CBLL2: variants seen among roughly 807,000 people sequenced by gnomAD.
CBLL2 encodes Cbl proto-oncogene like 2.
For missense variants in CBLL2, 347 were observed against 343.2 expected, an observed-to-expected ratio of 1.01 and a Z score of -0.09; for synonymous variants, 123 against 124.9, an observed-to-expected ratio of 0.98 and a Z score of 0.10.
In CBLL2 at chrX:22,273,570, G is replaced by A. The variant is rs773599014; in HGVS notation, c.579G>A (p.Val193=). 43 of 1,209,117 alleles carry A rather than the reference G, an allele frequency of 3.6e-5. No homozygotes were observed. The highest frequency in any genetic ancestry group is 4.4e-5 in the Non-Finnish European group (39 of 894,881). The change falls in exon 1 of 1, where the codon GTG becomes GTA. Residue 193 remains valine (V), a synonymous_variant. Transcript: ENST00000323684. ...ACACCATGGTGTCACTACCGTCTGT[G>A]CAACATATGCTACAAGAGCAACATA... ...EQHTMVSLPS[V]QHMLQEQHNQ... is the part of the protein sequence containing the mutation.
At position 22,274,320 on chromosome X, in the gene CBLL2, A is replaced by G. The variant is rs775136948; in HGVS notation, c.*51A>G. The G allele has an allele frequency of 2.1e-5, 23 of 1,073,949 alleles. No individual in the cohort carries two copies. Among genetic ancestry groups the G allele is most frequent in the Non-Finnish European group, 2.9e-5 (23 of 790,655 alleles). The allele number at this position is 1,073,949 out of a possible 1,213,427, so 88.5% of individuals were successfully genotyped here. Reference sequence around the variant, plus strand: ...AGACCTGATGGGAAAAAAACCTTCAAGTTCTATACTGTACTGTGGATAAGC... The same window carrying G: ...AGACCTGATGGGAAAAAAACCTTCAGGTTCTATACTGTACTGTGGATAAGC... On this transcript the variant is annotated 3_prime_UTR_variant, in exon 1 of 1. Transcript: ENST00000323684.
At position 22,273,059 on chromosome X, in the gene CBLL2, G is replaced by GAGTT; in HGVS notation, c.70_73dup (p.Lys25SerfsTer2). 1 of 1,208,718 alleles carries GAGTT rather than the reference G, an allele frequency of 8.3e-7. No individual in the cohort carries two copies. Among genetic ancestry groups the GAGTT allele is most frequent in the Non-Finnish European group, 1.1e-6 (1 of 893,690 alleles). On this transcript the variant is annotated frameshift_variant, in exon 1 of 1. Coordinates refer to ENST00000323684, the MANE Select transcript of CBLL2 (RefSeq NM_152577.4). LOFTEE classifies it low-confidence loss of function (END_TRUNC). ...AAAGAAGGGAAGTACTACTCTAAAG[G>GAGTT]AGTTAAACTGGTGAGAAAAAAGAAA...
In CBLL2 at chrX:22,273,162, T is replaced by G; in HGVS notation, c.171T>G (p.Cys57Trp). 8.3e-7 allele frequency: 1 copy of G among 1,211,549 alleles called. No individual in the cohort carries two copies. Among genetic ancestry groups the G allele is most frequent in the Non-Finnish European group, 1.1e-6 (1 of 895,250 alleles). Reference protein sequence around the residue: ...GEKDDLPIHFCDKCDLPIKIY... With the variant: ...GEKDDLPIHFWDKCDLPIKIY... ...AGGATGATTTACCAATTCATTTCTG[T>G]GACAAATGTGATTTGCCTATTAAAA... Residue 57 changes from cysteine (C) to tryptophan (W), a missense_variant, in exon 1 of 1, where the codon TGT becomes TGG. Cys to Trp is a radical substitution (Grantham distance 215, BLOSUM62 -2). Coordinates refer to ENST00000323684, the MANE Select transcript of CBLL2 (RefSeq NM_152577.4).
chrX:22,274,362 G>C lies in CBLL2; in HGVS notation c.*93G>C. 1 of 841,285 alleles carries C rather than the reference G, an allele frequency of 1.2e-6. No individual in the cohort carries two copies. Among genetic ancestry groups the C allele is most frequent in the Non-Finnish European group, 1.7e-6 (1 of 605,763 alleles). 69.3% of individuals were successfully genotyped at this position (841,285 alleles called of 1,213,427 possible). ...TGGATAAGCGGCTCAGTTCAGCAGA[G>C]CTGGAGTTGAACAACTTTGTTCCTC... On this transcript the variant is annotated 3_prime_UTR_variant, in exon 1 of 1. Transcript: ENST00000323684.
rs1407447266 is a variant in CBLL2, at chrX:22,273,237, T to C, written c.246T>C (p.Ala82=). The change falls in exon 1 of 1, where the codon GCT becomes GCC. Residue 82 remains alanine, a synonymous_variant. Coordinates refer to ENST00000323684, the MANE Select transcript of CBLL2 (RefSeq NM_152577.4). Reference sequence around the variant, plus strand: ...AGCATGCTTTTTGCTATCACTGTGCTAATTTATATGACAAAGTCGGATATA... The same window carrying C: ...AGCATGCTTTTTGCTATCACTGTGCCAATTTATATGACAAAGTCGGATATA... ...PCKHAFCYHC[A]NLYDKVGYKV... 7 of 1,210,271 alleles carry C rather than the reference T, an allele frequency of 5.8e-6. No individual in the cohort carries two copies. The highest frequency in any genetic ancestry group is 7.8e-6 in the Non-Finnish European group (7 of 895,319).
chrX:22,273,727 A>G lies in CBLL2; in HGVS notation c.736A>G (p.Asn246Asp). The change falls in exon 1 of 1, where the codon AAC (asparagine) becomes GAC (aspartate). Residue 246 changes from asparagine (N) to aspartate (D), a missense_variant. Asn to Asp is a conservative substitution (Grantham distance 23). Transcript: ENST00000323684. ...GNLTVDHIQN[N>D]SDSGAKKPTP... The stretch of plus-strand genomic sequence containing the variant: ...TTTAACAGTTGATCATATTCAGAAT[A>G]ACTCAGATTCTGGTGCTAAGAAGCC... The G allele has an allele frequency of 1.7e-6, 2 of 1,211,580 alleles. No homozygotes were observed. The highest frequency in any genetic ancestry group is 2.2e-6 in the Non-Finnish European group (2 of 895,409).
chrX:22,273,364 T>A lies in CBLL2; in HGVS notation c.373T>A (p.Leu125Met). The A allele has an allele frequency of 8.3e-7, 1 of 1,211,977 alleles. No individual in the cohort carries two copies. Among genetic ancestry groups the A allele is most frequent in the Non-Finnish European group, 1.1e-6 (1 of 895,577 alleles). The stretch of plus-strand genomic sequence containing the variant: ...TGTTCAGCAGTGCAAGAGAACATAC[T>A]TGTCTCAGAAAAGCTTACAGGCTCA... ...SIVQQCKRTY[L>M]SQKSLQAHIK... The change falls in exon 1 of 1, where the codon TTG becomes ATG. Residue 125 changes from leucine (L) to methionine (M), a missense_variant. Coordinates refer to ENST00000323684, the MANE Select transcript of CBLL2 (RefSeq NM_152577.4).
Position 22,273,419 on chromosome X carries a change from A to G in CBLL2, c.428A>G (p.Lys143Arg). 8.3e-7 allele frequency: 1 copy of G among 1,211,755 alleles called. No individual in the cohort carries two copies. The highest frequency in any genetic ancestry group is 1.1e-6 in the Non-Finnish European group (1 of 895,567). ...HIKRRHKRARKQVTSASLEKV... is the reference protein window; with the variant it reads ...HIKRRHKRARRQVTSASLEKV... ...AAACGCCGCCATAAGAGAGCTCGAA[A>G]ACAAGTTACCAGCGCTTCGCTTGAA... is the stretch of plus-strand genomic sequence containing the variant. The change falls in exon 1 of 1, where the codon AAA becomes AGA. Residue 143 changes from lysine (K) to arginine (R), a missense_variant. By Grantham distance (26) the Lys-to-Arg change is conservative. Coordinates refer to ENST00000323684, the MANE Select transcript of CBLL2 (RefSeq NM_152577.4).
rs752008612 is a variant in CBLL2, at chrX:22,273,604, C to T, written c.613C>T (p.His205Tyr). The stretch of plus-strand genomic sequence containing the variant: ...GCTACAAGAGCAACATAATCAGCCA[C>T]ATAAGGATATCCAGGCTCCTCCCCC... Reference protein sequence around the residue: ...HMLQEQHNQPHKDIQAPPPEL... With the variant: ...HMLQEQHNQPYKDIQAPPPEL... The change falls in exon 1 of 1, where the codon CAT becomes TAT. Residue 205 changes from histidine (H) to tyrosine (Y), a missense_variant. His to Tyr is a moderately conservative substitution (Grantham distance 83). Coordinates refer to ENST00000323684, the MANE Select transcript of CBLL2 (RefSeq NM_152577.4). The T allele has an allele frequency of 9.9e-6, 12 of 1,211,559 alleles. No homozygotes were observed. In the South Asian group the frequency reaches 2.1e-4, roughly 21 times the overall value.
At position 22,274,452 on chromosome X, in the gene CBLL2, A is replaced by G. The variant is rs1318346923; in HGVS notation, c.*183A>G. On this transcript the variant is annotated 3_prime_UTR_variant, in exon 1 of 1. Transcript: ENST00000323684. Reference sequence around the variant, plus strand: ...TCCTGAAATAAATATGCAATGTTACATTTTCAAAAGTATTGTGGTTTTTAT... The same window carrying G: ...TCCTGAAATAAATATGCAATGTTACGTTTTCAAAAGTATTGTGGTTTTTAT... The G allele has an allele frequency of 5.2e-6, 2 of 386,313 alleles. No homozygotes were observed. The highest frequency in any genetic ancestry group is 5.2e-5 in the Admixed American group (1 of 19,366). 31.8% of individuals were successfully genotyped at this position (386,313 alleles called of 1,213,427 possible).
Position 22,273,313 on chromosome X carries a change from C to A in CBLL2, c.322C>A (p.Arg108=). The part of the protein sequence containing the change: ...YPVLRIEAHK[R]GSVFMCSIVQ... ...TGTGCTGAGAATTGAGGCGCATAAA[C>A]GAGGTTCTGTCTTCATGTGTAGTAT... is the stretch of plus-strand genomic sequence containing the variant. The change falls in exon 1 of 1, where the codon CGA becomes AGA. Residue 108 remains arginine (R), a synonymous_variant. Transcript: ENST00000323684. 8.3e-7 allele frequency: 1 copy of A among 1,211,734 alleles called. No individual in the cohort carries two copies.
In CBLL2 at chrX:22,273,664, T is replaced by A; in HGVS notation, c.673T>A (p.Trp225Arg). 8.3e-7 allele frequency: 1 copy of A among 1,211,622 alleles called. No individual in the cohort carries two copies. The highest frequency in any genetic ancestry group is 1.1e-6 in the Non-Finnish European group (1 of 895,474). The stretch of plus-strand genomic sequence containing the variant: ...TCTAAGTCTGCCTTTTCCCATCCAG[T>A]GGGAAACCGTTAGTATTTTTACGAG... ...LSLSLPFPIQWETVSIFTRKH... is the reference protein window; with the variant it reads ...LSLSLPFPIQRETVSIFTRKH... Residue 225 changes from tryptophan to arginine, a missense_variant, in exon 1 of 1, where the codon TGG (tryptophan) becomes AGG (arginine). Transcript: ENST00000323684.
In CBLL2 at chrX:22,273,763, G is replaced by A; in HGVS notation, c.772G>A (p.Asp258Asn). ...TGGTGCTAAGAAGCCAACACCTCCC[G>A]ACTATTATCCTGAGTGTCAAAGTCA... ...DSGAKKPTPP[D>N]YYPECQSQPA... is the part of the protein sequence containing the mutation. Residue 258 changes from aspartate to asparagine, a missense_variant, in exon 1 of 1, where the codon GAC (aspartate) becomes AAC (asparagine). Physicochemically the swap from Asp to Asn is conservative, Grantham distance 23 (BLOSUM62 1). Coordinates refer to ENST00000323684, the MANE Select transcript of CBLL2 (RefSeq NM_152577.4). The A allele has an allele frequency of 2.1e-5, 26 of 1,211,197 alleles. No homozygotes were observed. Among genetic ancestry groups the A allele is most frequent in the Non-Finnish European group, 2.9e-5 (26 of 895,395 alleles).
Position 22,273,043 on chromosome X carries a change from A to C in CBLL2, c.52A>C (p.Lys18Gln). 3 of 1,203,061 alleles carry C rather than the reference A, an allele frequency of 2.5e-6. No individual in the cohort carries two copies. Among genetic ancestry groups the C allele is most frequent in the Non-Finnish European group, 3.4e-6 (3 of 892,294 alleles). ...EQECEYNKEGKYYSKGVKLVR... is the reference protein window; with the variant it reads ...EQECEYNKEGQYYSKGVKLVR... The stretch of plus-strand genomic sequence containing the variant: ...AGAATGTGAATATAACAAAGAAGGG[A>C]AGTACTACTCTAAAGGAGTTAAACT... The change falls in exon 1 of 1, where the codon AAG (lysine) becomes CAG (glutamine). Residue 18 changes from lysine to glutamine, a missense_variant. Transcript: ENST00000323684.
In CBLL2 at chrX:22,273,371, A is replaced by C. The variant is rs758753678; in HGVS notation, c.380A>C (p.Gln127Pro). The change falls in exon 1 of 1, where the codon CAG becomes CCG. Residue 127 changes from glutamine to proline, a missense_variant. Transcript: ENST00000323684. Reference sequence around the variant, plus strand: ...CAGTGCAAGAGAACATACTTGTCTCAGAAAAGCTTACAGGCTCATATCAAA... The same window carrying C: ...CAGTGCAAGAGAACATACTTGTCTCCGAAAAGCTTACAGGCTCATATCAAA... ...VQQCKRTYLS[Q>P]KSLQAHIKRR... The C allele has an allele frequency of 1.8e-5, 22 of 1,210,251 alleles. No individual in the cohort carries two copies. Among genetic ancestry groups the C allele is most frequent in the Non-Finnish European group, 2.0e-5 (18 of 895,357 alleles).
chrX:22,272,941 C>A lies in CBLL2; in HGVS notation c.-51C>A. 9.3e-7 allele frequency: 1 copy of A among 1,071,979 alleles called. No homozygotes were observed. The highest frequency in any genetic ancestry group is 2.3e-5 in the South Asian group (1 of 44,370). The allele number at this position is 1,071,979 out of a possible 1,213,427, so 88.3% of individuals were successfully genotyped here. The stretch of plus-strand genomic sequence containing the variant: ...TTAGCAGAAGAATTCCTTTAAACGT[C>A]ATTTTTGAGGAAGTAGACAAACCTA... On this transcript the variant is annotated 5_prime_UTR_variant, in exon 1 of 1. Coordinates refer to ENST00000323684, the MANE Select transcript of CBLL2 (RefSeq NM_152577.4).
rs747891370 is a variant in CBLL2, at chrX:22,273,722, A to G, written c.731A>G (p.Gln244Arg). Residue 244 changes from glutamine (Q) to arginine (R), a missense_variant, in exon 1 of 1, where the codon CAG becomes CGG. By Grantham distance (43) the Gln-to-Arg change is conservative. Coordinates refer to ENST00000323684, the MANE Select transcript of CBLL2 (RefSeq NM_152577.4). ...KHGNLTVDHI[Q>R]NNSDSGAKKP... Reference sequence around the variant, plus strand: ...GGCAATTTAACAGTTGATCATATTCAGAATAACTCAGATTCTGGTGCTAAG... The same window carrying G: ...GGCAATTTAACAGTTGATCATATTCGGAATAACTCAGATTCTGGTGCTAAG... 31 of 1,209,849 alleles carry G rather than the reference A, an allele frequency of 2.6e-5. No individual in the cohort carries two copies. The highest frequency in any genetic ancestry group is 3.5e-5 in the Non-Finnish European group (31 of 895,241).
Position 22,273,405 on chromosome X carries a change from TA to T in CBLL2, c.416del (p.Lys139ArgfsTer39). 2 of 1,211,706 alleles carry T rather than the reference TA, an allele frequency of 1.7e-6. No individual in the cohort carries two copies. Among genetic ancestry groups the T allele is most frequent in the Non-Finnish European group, 2.2e-6 (2 of 895,545 alleles). On this transcript the variant is annotated frameshift_variant, in exon 1 of 1. Coordinates refer to ENST00000323684, the MANE Select transcript of CBLL2 (RefSeq NM_152577.4). LOFTEE classifies it low-confidence loss of function (END_TRUNC). The part of the protein sequence containing the change: ...SLQAHIKRRH[K>X]RARKQVTSAS... ...TACAGGCTCATATCAAACGCCGCCA[TA>T]AGAGAGCTCGAAAACAAGTTACCAG...
Position 22,273,243 on chromosome X carries a change from A to G in CBLL2, c.252A>G (p.Leu84=). The change falls in exon 1 of 1, where the codon TTA becomes TTG. Residue 84 remains leucine, a synonymous_variant. Transcript: ENST00000323684. ...KHAFCYHCAN[L]YDKVGYKVCP... ...CTTTTTGCTATCACTGTGCTAATTTATATGACAAAGTCGGATATAAAGTAT... is the reference window on the plus strand; with the variant it reads ...CTTTTTGCTATCACTGTGCTAATTTGTATGACAAAGTCGGATATAAAGTAT... 1 of 1,211,753 alleles carries G rather than the reference A, an allele frequency of 8.3e-7. No individual in the cohort carries two copies. The highest frequency in any genetic ancestry group is 1.1e-6 in the Non-Finnish European group (1 of 895,529).
Sources: allele counts gnomAD v4.1 joint callset, GRCh38; gene constraint gnomAD v4.1.1; transcripts MANE v1.5; gene names NCBI Gene and HGNC (gene_info 2026-07-23, HGNC 2026-07-21).